Variants in OC90 observed in about 807,000 individuals in gnomAD.
The protein encoded by OC90 is otoconin 90.
OC90 carries 46 observed loss-of-function variants against 47.3 expected under a neutral mutation model. The ratio of observed to expected loss-of-function variants is 0.97; its 90% CI spans 0.77 to 1.24. The LOEUF is 1.24. Among genes scored for constraint, OC90 ranks in the 50% most tolerant of loss-of-function variants. The pLI, the probability that OC90 is intolerant of heterozygous loss-of-function variation, is 0.00. For missense variants in OC90, 688 were observed against 583.9 expected (o/e 1.18, Z -1.84); for synonymous variants, 271 against 219.5 (o/e 1.23, Z -2.07).
chr8:132,039,609 G>A (rs189560147), intron 6 of OC90, among the ~76,000 whole-genome samples: 245 of 152,198 alleles, frequency 1.6e-3, no homozygotes, highest in African/African-American at 5.6e-3. Flanking sequence ...CCTAGGAAAC[G>A]TCACATGATT....
rs74828325 is a variant in OC90, at chr8:132,024,528, G to A, written c.1387C>T (p.Arg463Trp). The change falls in exon 14 of 14, where the codon CGG becomes TGG. Residue 463 changes from arginine to tryptophan, a missense_variant. Coordinates refer to ENST00000254627, the MANE Select transcript of OC90 (RefSeq NM_001080399.3). ...EDLGRAKRFL[R>W]KSLGPLGIGP... ...ATCCCCAAGGGACCCAGTGACTTCC[G>A]CAGAAACCTCTTGGCTCTGCCGAGG... 1.4e-4 allele frequency: 221 copies of A among 1,595,554 alleles called. No individual in the cohort carries two copies. In the African/African-American group the frequency reaches 2.0e-3, roughly 14 times the overall value.
intron 3 of OC90, 57 bp from the exon 4 acceptor site, chr8:132,044,546 C>A: frequency 1.1e-6 from 1 of 930,130 alleles, no homozygotes; most frequent in South Asian, 1.4e-5. Context: ...TTTCACTTCC[C>A]TGTCCACCCT....
chr8:132,057,631 G>T (rs1823293920), intron 1 of OC90, among the ~76,000 whole-genome samples: 1 of 152,148 alleles, frequency 6.6e-6, no homozygotes, highest in Admixed American at 6.5e-5. Context: ...CTTAAAAGTG[G>T]CTGACATGGT....
intron 1 of OC90, 68 bp from the exon 2 acceptor site, chr8:132,055,141 C>T: frequency 1.2e-6 from 1 of 825,746 alleles, no homozygotes; most frequent in Non-Finnish European, 1.9e-6. Context: ...CCCATGGGAC[C>T]CCCATGTCCT....
At chr8:132,027,285 G>A (rs1240791554) in intron 13 of OC90, among the ~76,000 whole-genome samples, 1 of 152,180 alleles carries the variant, frequency 6.6e-6, no homozygotes, top group Non-Finnish European at 1.5e-5. Context: ...CTGGTTCCTG[G>A]TGAAGGTTTG....
At chr8:132,059,243 C>T (rs1360050329) in intron 1 of OC90, 98 bp downstream of exon 1, 1 of 149,920 alleles carries the variant, frequency 6.7e-6, no homozygotes, top group Non-Finnish European at 1.5e-5. Flanking sequence ...CCCTTCTTCT[C>T]TTCTCCCATT....
chr8:132,050,221 C>G (rs148482667), intron 2 of OC90, among the ~76,000 whole-genome samples: 303 of 152,194 alleles, frequency 2.0e-3, no homozygotes, highest in Non-Finnish European at 3.8e-3. Flanking sequence ...GGAGGGCAGA[C>G]TGGCAGGAAA....
chr8:132,048,082 C>T (rs981448853), intron 2 of OC90, among the ~76,000 whole-genome samples: 1 of 152,176 alleles, frequency 6.6e-6, no homozygotes, highest in Admixed American at 6.5e-5. Flanking sequence ...AACGAGAAGG[C>T]CCTCACCAGA....
chr8:132,028,762 TAGAGAGAA>T (rs1211840843), intron 13 of OC90, among the ~76,000 whole-genome samples: 114 of 86,090 alleles, frequency 1.3e-3, no homozygotes, highest in African/African-American at 5.1e-3. Flanking sequence ...AAGAGAGAGA[TAGAGAGAA>T]AGAAAGAAAG....
chr8:132,028,833 G>A (rs1269082374), intron 13 of OC90, among the ~76,000 whole-genome samples: 1 of 132,130 alleles, frequency 7.6e-6, no homozygotes, highest in Non-Finnish European at 1.6e-5. Context: ...AAGAAAGAAA[G>A]AAAGAAAAGG....
chr8:132,024,705 C>A lies in OC90; in HGVS notation c.1210G>T (p.Ala404Ser), dbSNP rs1822730272. The A allele has an allele frequency of 1.2e-6, 2 of 1,613,638 alleles. No homozygotes were observed. Among genetic ancestry groups the A allele is most frequent in the African/African-American group, 2.7e-5 (2 of 74,926 alleles). Reference sequence around the variant, plus strand: ...GACTTGAGGCTTTGGTTAAAGGAGGCAGAGGTCATGCACTCAGCTGCCGTC... The same window carrying A: ...GACTTGAGGCTTTGGTTAAAGGAGGAAGAGGTCATGCACTCAGCTGCCGTC... ...DQTAAECMTS[A>S]SFNQSLKSPS... is the part of the protein sequence containing the mutation. Residue 404 changes from alanine to serine, a missense_variant, in exon 14 of 14, where the codon GCC becomes TCC. Physicochemically the swap from Ala to Ser is moderately conservative, Grantham distance 99 (BLOSUM62 1). Transcript: ENST00000254627.
chr8:132,051,317 A>G (rs1361995833), intron 2 of OC90, among the ~76,000 whole-genome samples: 1 of 152,152 alleles, frequency 6.6e-6, no homozygotes, highest in African/African-American at 2.4e-5. Flanking sequence ...TTTTTGAAGC[A>G]TCCTTCACTC....
intron 13 of OC90, among the ~76,000 whole-genome samples, chr8:132,028,471 C>T (rs1183304253): frequency 6.6e-6 from 1 of 150,812 alleles, no homozygotes; most frequent in East Asian, 2.0e-4. Context: ...CGCTGTACTC[C>T]AGCCTGGTGG....
intron 12 of OC90, among the ~76,000 whole-genome samples, chr8:132,029,964 G>A (rs777113339): frequency 2.0e-5 from 3 of 152,164 alleles, no homozygotes; most frequent in African/African-American, 7.2e-5. Context: ...GGGATAAGTC[G>A]TAGGCTCTTG....
intron 1 of OC90, among the ~76,000 whole-genome samples, chr8:132,056,849 A>G (rs1484968441): frequency 6.6e-6 from 1 of 152,222 alleles, no homozygotes; most frequent in African/African-American, 2.4e-5. Context: ...TCTGCCACTC[A>G]GTATGTCAGG....
chr8:132,053,457 C>T (rs1302196001), intron 2 of OC90, among the ~76,000 whole-genome samples: 2 of 152,150 alleles, frequency 1.3e-5, no homozygotes, highest in African/African-American at 4.8e-5. Flanking sequence ...TGAGTGGTGG[C>T]CTGCTAGAAT....
At chr8:132,034,904 C>A in intron 9 of OC90, 70 bp from the exon 10 acceptor site, 2 of 1,137,982 alleles carry the variant, frequency 1.8e-6, no homozygotes, top group Admixed American at 3.5e-5. Context: ...TCCAGAGGCT[C>A]TTCCCACCCA....
At chr8:132,045,152 C>T (rs1823114200) in intron 3 of OC90, among the ~76,000 whole-genome samples, 1 of 152,350 alleles carries the variant, frequency 6.6e-6, no homozygotes, top group Admixed American at 6.5e-5. Context: ...TGCACTTCCT[C>T]TAGAAGTTAT....
intron 13 of OC90, 43 bp downstream of exon 13, chr8:132,029,030 C>T (rs778785639): frequency 7.4e-7 from 1 of 1,355,452 alleles, no homozygotes; most frequent in Non-Finnish European, 1.1e-6. Flanking sequence ...ACGATGCTGA[C>T]CTCAATGAAA....
Sources: gnomAD v4.1 joint callset for allele counts (sites outside exome capture counted in the v4.1 genomes callset) on GRCh38, gnomAD v4.1.1 for gene constraint, MANE v1.5 for transcripts, NCBI Gene and HGNC (gene_info 2026-07-23, HGNC 2026-07-21) for gene names.